POSTN: variants seen among roughly 807,000 people sequenced by gnomAD.
POSTN encodes periostin, also known as osteoblast specific factor 2 (fasciclin I-like).
In POSTN, 71 loss-of-function variants were observed where a neutral mutation model predicts 104.5. That is an observed-to-expected ratio of 0.68 (90% CI 0.56 to 0.83). POSTN has a LOEUF of 0.83. Among genes scored for constraint, POSTN ranks in the 40% least tolerant of loss-of-function variants. POSTN has a pLI of 0.00. For missense variants in POSTN, 949 were observed against 1,006.8 expected (o/e 0.94, Z 0.78); for synonymous variants, 355 against 340.7 (o/e 1.04, Z -0.46).
In POSTN at chr13:37,574,637, G is replaced by A; in HGVS notation, c.2024C>T (p.Thr675Ile). The change falls in exon 17 of 23, where the codon ACC becomes ATC. Residue 675 changes from threonine to isoleucine, a missense_variant. Transcript: ENST00000379747. ...PVTVYTTKII[T>I]KVVEPKIKVI... is the part of the protein sequence containing the mutation. The stretch of plus-strand genomic sequence containing the variant: ...TTTAATTTTTGGTTCCACAACTTTG[G>A]TTATAATTTTAGTTGCTGAAAGTAT... 6.3e-7 allele frequency: 1 copy of A among 1,595,130 alleles called. No individual in the cohort carries two copies. The highest frequency in any genetic ancestry group is 8.5e-7 in the Non-Finnish European group (1 of 1,173,414).
At chr13:37,591,207 C>A (rs1298458074) in intron 3 of POSTN, among the ~76,000 whole-genome samples, 5 of 151,964 alleles carry the variant, frequency 3.3e-5, no homozygotes, top group African/African-American at 7.3e-5. Flanking sequence ...TCAAAATGAA[C>A]AAGGTTAAAT....
Position 37,578,886 on chromosome 13 carries a change from C to T in POSTN, c.1920G>A (p.Leu640=). 6.3e-7 allele frequency: 1 copy of T among 1,593,230 alleles called. No homozygotes were observed. The highest frequency in any genetic ancestry group is 8.5e-7 in the Non-Finnish European group (1 of 1,174,180). The change falls in exon 15 of 23, where the codon CTG becomes CTA. Residue 640 remains leucine, a synonymous_variant. Transcript: ENST00000379747. ...PADTPVGNDQ[L]LEILNKLIKY... ...TGATTAATTTATTAAGTATTTCCAG[C>T]AGTTGATCATTTCCAACAGGTGTGT... is the stretch of plus-strand genomic sequence containing the variant.
intron 6 of POSTN, 100 bp from the exon 7 acceptor site, chr13:37,586,380 C>T (rs1238214235): frequency 4.8e-6 from 6 of 1,249,608 alleles, no homozygotes; most frequent in African/African-American, 3.0e-5. Context: ...CTGATTCCTA[C>T]ACTATAGAGG....
chr13:37,584,071 G>A lies in POSTN; in HGVS notation c.1141C>T (p.Gln381Ter), dbSNP rs1950677455. The A allele has an allele frequency of 6.2e-7, 1 of 1,613,780 alleles. No homozygotes were observed. The highest frequency in any genetic ancestry group is 1.3e-5 in the African/African-American group (1 of 74,914). Residue 381 changes from glutamine (Q) to a stop codon, truncating the protein, a stop_gained, in exon 9 of 23, where the codon CAA becomes TAA. Transcript: ENST00000379747. LOFTEE classifies it high-confidence loss of function. ...KQVIELAGKQ[Q>*]TTFTDLVAQL... Reference sequence around the variant, plus strand: ...GCCACAAGATCCGTGAAGGTGGTTTGCTGTTTTCCAGCCAGCTCAATAACT... The same window carrying A: ...GCCACAAGATCCGTGAAGGTGGTTTACTGTTTTCCAGCCAGCTCAATAACT...
chr13:37,595,906 G>A (rs552087848), intron 2 of POSTN, among the ~76,000 whole-genome samples: 171 of 151,170 alleles, frequency 1.1e-3, no homozygotes, highest in Non-Finnish European at 2.0e-3. Flanking sequence ...CACCTCCTAG[G>A]TTCAAGCGAT....
At chr13:37,589,916 A>G (rs1001875205) in intron 4 of POSTN, among the ~76,000 whole-genome samples, 5 of 152,204 alleles carry the variant, frequency 3.3e-5, no homozygotes, top group African/African-American at 7.2e-5. Flanking sequence ...ATCCACATAC[A>G]TGTATACAAA....
Position 37,564,578 on chromosome 13 carries a change from T to A in POSTN, c.2432-18A>T. On this transcript the variant is annotated intron_variant, in intron 21 of 22. Coordinates refer to ENST00000379747, the MANE Select transcript of POSTN (RefSeq NM_006475.3). ...GGGTGTGTCTAAAATTAAATTGTTGTAGTTAGAAATACTTCGCAATTATGG... is the reference window on the plus strand; with the variant it reads ...GGGTGTGTCTAAAATTAAATTGTTGAAGTTAGAAATACTTCGCAATTATGG... The A allele has an allele frequency of 6.4e-7, 1 of 1,554,538 alleles. No homozygotes were observed. Among genetic ancestry groups the A allele is most frequent in the Non-Finnish European group, 8.9e-7 (1 of 1,128,758 alleles).
At chr13:37,590,550 A>G in intron 3 of POSTN, 21 bp from the exon 4 acceptor site, 1 of 1,599,258 alleles carries the variant, frequency 6.3e-7, no homozygotes, top group Middle Eastern at 1.7e-4. Context: ...CAAGAAATGA[A>G]TCAGTACTGG....
At chr13:37,574,210 T>G (rs1173633711) in intron 17 of POSTN, among the ~76,000 whole-genome samples, 1 of 151,430 alleles carries the variant, frequency 6.6e-6, no homozygotes, top group African/African-American at 2.4e-5. Flanking sequence ...AGAAAGAACA[T>G]GTGGGAGATT....
At chr13:37,571,941 T>C (rs1048354364) in intron 17 of POSTN, among the ~76,000 whole-genome samples, 3 of 151,614 alleles carry the variant, frequency 2.0e-5, no homozygotes, top group Non-Finnish European at 4.4e-5. Flanking sequence ...GGAGTGAACA[T>C]AAGAAAGTAC....
intron 2 of POSTN, among the ~76,000 whole-genome samples, chr13:37,596,417 A>G (rs758043113): frequency 3.9e-5 from 6 of 152,182 alleles, no homozygotes; most frequent in Non-Finnish European, 7.3e-5. Flanking sequence ...CTTGACCTTA[A>G]TAAGTCCAGA....
At chr13:37,587,783 G>A (rs748941350) in intron 5 of POSTN, 39 bp downstream of exon 5, 9 of 1,394,532 alleles carry the variant, frequency 6.5e-6, no homozygotes, top group Non-Finnish European at 7.9e-6. Context: ...ATTAAAGAAG[G>A]TATTTTTCAT....
rs777986524 is a variant in POSTN, at chr13:37,580,587, T to C, written c.1503A>G (p.Glu501=). Reference sequence around the variant, plus strand: ...TAAAGCGCTTATCTTGTTTTAACTTTTCATGGAGGGATTTCTCTGCTGGCT... The same window carrying C: ...TAAAGCGCTTATCTTGTTTTAACTTCTCATGGAGGGATTTCTCTGCTGGCT... ...IIKPAEKSLH[E]KLKQDKRFST... Residue 501 remains glutamate, a synonymous_variant, in exon 11 of 23, where the codon GAA becomes GAG. Transcript: ENST00000379747. The C allele has an allele frequency of 3.1e-6, 5 of 1,614,138 alleles. No homozygotes were observed. The highest frequency in any genetic ancestry group is 3.4e-6 in the Non-Finnish European group (4 of 1,180,012).
chr13:37,579,450 C>T (rs1205207219), intron 12 of POSTN, 91 bp from the exon 13 acceptor site: 9 of 1,056,132 alleles, frequency 8.5e-6, no homozygotes, highest in African/African-American at 1.6e-5. Context: ...TTATCTTTTT[C>T]CATATTGTAC....
intron 16 of POSTN, 137 bp from the exon 17 acceptor site, chr13:37,574,789 T>G: frequency 8.7e-7 from 1 of 1,155,838 alleles, no homozygotes; most frequent in East Asian, 2.9e-5. Flanking sequence ...GGCAGTCAGA[T>G]ACAGGAAATA....
chr13:37,579,423 A>G, intron 12 of POSTN, 64 bp from the exon 13 acceptor site: 13 of 1,277,578 alleles, frequency 1.0e-5, no homozygotes, highest in Non-Finnish European at 1.4e-5. Context: ...ACTAAGAAAC[A>G]AAACACTTAT....
chr13:37,583,992 G>T lies in POSTN; in HGVS notation c.1220C>A (p.Ala407Glu). The T allele has an allele frequency of 3.7e-6, 6 of 1,613,768 alleles. No homozygotes were observed. The highest frequency in any genetic ancestry group is 5.1e-6 in the Non-Finnish European group (6 of 1,179,836). Residue 407 changes from alanine to glutamate, a missense_variant, in exon 9 of 23, where the codon GCA becomes GAA. Transcript: ENST00000379747. ...ACCAGAAAATGCATTATTCACAGGT[G>T]CCAGCAAAGTGTATTCTCCATCTGG... ...LRPDGEYTLL[A>E]PVNNAFSDDT...
chr13:37,596,193 C>A (rs891349689), intron 2 of POSTN, among the ~76,000 whole-genome samples: 2 of 152,086 alleles, frequency 1.3e-5, no homozygotes, highest in African/African-American at 4.8e-5. Flanking sequence ...AATTTTAATG[C>A]TGATGTATTA....
At chr13:37,584,146 T>C in intron 8 of POSTN, 43 bp from the exon 9 acceptor site, 1 of 1,607,310 alleles carries the variant, frequency 6.2e-7, no homozygotes, top group Non-Finnish European at 8.5e-7. Context: ...TCATCATTGC[T>C]ATTATCTCCA....
Sources: gnomAD v4.1 joint callset for allele counts (sites outside exome capture counted in the v4.1 genomes callset) on GRCh38, gnomAD v4.1.1 for gene constraint, MANE v1.5 for transcripts, NCBI Gene and HGNC (gene_info 2026-07-23, HGNC 2026-07-21) for gene names.